The following PFKFB3 variants were observed in gnomAD, a reference collection of about 807,000 sequenced individuals.
PFKFB3 encodes the protein 6-phosphofructo-2-kinase/fructose-2,6-bisphosphatase 3.
Under a neutral mutation model 68.0 loss-of-function variants are expected in PFKFB3, and 33 were observed. The ratio of observed to expected loss-of-function variants is 0.49; its 90% CI spans 0.37 to 0.65. The LOEUF is 0.65. Among genes scored for constraint, PFKFB3 ranks in the 30% least tolerant of loss-of-function variants. The probability of loss-of-function intolerance (pLI) is 0.00; values close to 1 mark genes in which losing one functional copy is unlikely to be tolerated. For synonymous variants in PFKFB3, 315 were observed against 288.2 expected (o/e 1.09, Z -0.94); for missense variants, 586 against 712.2 (o/e 0.82, Z 2.02).
intron 1 of PFKFB3, among the ~76,000 whole-genome samples, chr10:6,163,614 C>G (rs1442172710): frequency 5.9e-5 from 9 of 152,072 alleles, no homozygotes; most frequent in Admixed American, 5.9e-4. Flanking sequence ...CGCCTGCTTC[C>G]TCCCAGGTGC....
chr10:6,181,796 TA>T (rs60557537), intron 1 of PFKFB3, among the ~76,000 whole-genome samples: 6,145 of 114,104 alleles, frequency 0.054, 297 homozygotes, highest in African/African-American at 0.13. Flanking sequence ...AGACTCCGTT[TA>T]AAAAAAAAAA....
the PFKFB3 span, among the ~76,000 whole-genome samples, chr10:6,261,696 TA>T: frequency 1.3e-5 from 2 of 150,740 alleles, no homozygotes; most frequent in African/African-American, 4.9e-5. Context: ...CCATCTCTAT[TA>T]AAAATACAAA....
intron 1 of PFKFB3, among the ~76,000 whole-genome samples, chr10:6,187,737 G>A (rs1380217035): frequency 2.0e-5 from 3 of 152,168 alleles, no homozygotes; most frequent in African/African-American, 4.8e-5. Context: ...TGCACCTTCC[G>A]AAACTGAGGA....
chr10:6,161,673 C>T (rs968261314), intron 1 of PFKFB3, among the ~76,000 whole-genome samples: 3 of 151,626 alleles, frequency 2.0e-5, no homozygotes, highest in Admixed American at 6.6e-5. Flanking sequence ...CACTTTGTCA[C>T]CCAGGCTGGA....
At position 6,195,613 on chromosome 10, in the gene PFKFB3, C is replaced by A. The variant is rs185089939; in HGVS notation, c.17-18010C>A. 9.2e-5 allele frequency among the ~76,000 whole-genome samples: 14 copies of A among 152,304 alleles called. No individual in the cohort carries two copies. In the East Asian group the frequency reaches 2.7e-3, roughly 29 times the overall value. On this transcript the variant is annotated intron_variant, in intron 1 of 14. Coordinates refer to the PFKFB3 transcript ENST00000379789. Reference sequence around the variant, plus strand: ...TACCCAGGGAGACTGAGTCACCAAGCAAACTGGTAAGAGAATGCAGATAAA... The same window carrying A: ...TACCCAGGGAGACTGAGTCACCAAGAAAACTGGTAAGAGAATGCAGATAAA...
intron 13 of PFKFB3, chr10:6,225,022 C>A: frequency 2.3e-6 from 1 of 426,238 alleles, no homozygotes; most frequent in Non-Finnish European, 4.8e-6. Context: ...GACCTCGAGG[C>A]CTGGCCGTGC....
intron 10 of PFKFB3, among the ~76,000 whole-genome samples, chr10:6,222,534 GTC>G (rs1845041756): frequency 6.6e-6 from 1 of 152,116 alleles, no homozygotes; most frequent in African/African-American, 2.4e-5. Flanking sequence ...GCACCGGCCC[GTC>G]TGCTTCCTGC....
intron 1 of PFKFB3, among the ~76,000 whole-genome samples, chr10:6,161,617 C>T (rs1841977277): frequency 1.0e-5 from 1 of 98,624 alleles, no homozygotes; most frequent in African/African-American, 2.9e-5. Flanking sequence ...TATATATACA[C>T]ACACACACAT....
the PFKFB3 span, among the ~76,000 whole-genome samples, chr10:6,270,135 AAAAC>A: frequency 3.3e-5 from 5 of 152,276 alleles, no homozygotes; most frequent in South Asian, 4.2e-4. Context: ...CTCCGTCTCA[AAAAC>A]AAACAAACAA....
intron 1 of PFKFB3, among the ~76,000 whole-genome samples, chr10:6,166,840 T>C (rs1420741396): frequency 1.4e-5 from 2 of 142,558 alleles, no homozygotes; most frequent in Non-Finnish European, 3.0e-5. Context: ...TTTTTTTTTT[T>C]TTATTTGAGA....
the PFKFB3 span, among the ~76,000 whole-genome samples, chr10:6,306,718 G>C: frequency 6.6e-6 from 1 of 152,112 alleles, no homozygotes; most frequent in South Asian, 2.1e-4. Flanking sequence ...CCCATGGAAG[G>C]CCGTGTCCTG....
the PFKFB3 span, among the ~76,000 whole-genome samples, chr10:6,269,973 A>C: frequency 1.1e-4 from 16 of 152,094 alleles, 2 homozygotes; most frequent in Admixed American, 6.5e-4. Flanking sequence ...CTCTACTAAA[A>C]ATACAAAAAT....
chr10:6,157,976 G>T (rs368639717), intron 1 of PFKFB3, among the ~76,000 whole-genome samples: 1 of 151,818 alleles, frequency 6.6e-6, no homozygotes. Context: ...TGAATGACGG[G>T]TAAAGCCTTT....
chr10:6,181,766 C>A (rs1842718040), intron 1 of PFKFB3, among the ~76,000 whole-genome samples: 1 of 148,878 alleles, frequency 6.7e-6, no homozygotes, highest in Non-Finnish European at 1.5e-5. Context: ...CCACTGCACT[C>A]CAGCCTGGGC....
chr10:6,251,335 G>C (rs564304990), intron 14 of PFKFB3, among the ~76,000 whole-genome samples: 3 of 152,156 alleles, frequency 2.0e-5, no homozygotes, highest in African/African-American at 7.2e-5. Context: ...AATGGTGCCC[G>C]TCTCCATTCA....
chr10:6,288,100 T>G, the PFKFB3 span, among the ~76,000 whole-genome samples: 2 of 152,130 alleles, frequency 1.3e-5, no homozygotes, highest in Admixed American at 6.5e-5. Context: ...CACTTTATTC[T>G]TGCTTGCATT....
In PFKFB3 at chr10:6,235,381, A is replaced by G. The variant is rs931356620; in HGVS notation, c.*2439A>G. 5 of 152,376 alleles carry G rather than the reference A, an allele frequency of 3.3e-5. No individual in the cohort carries two copies. The highest frequency in any genetic ancestry group is 3.4e-3 in the Middle Eastern group (1 of 294). The allele number at this position is 152,376 out of a possible 1,614,324, so 9.4% of individuals were successfully genotyped here. A position where few individuals can be genotyped will look rare whatever the true frequency, so the allele number is the denominator to read the frequency against. ...TTGTTAATTGGTTTGGGAGCCTCCT[A>G]TGTGTGACTTATGACTTCTCTGTGT... On this transcript the variant is annotated 3_prime_UTR_variant, in exon 15 of 15. Coordinates refer to ENST00000379775, the MANE Select transcript of PFKFB3 (RefSeq NM_004566.4).
upstream of PFKFB3, chr10:6,202,832 AG>A: frequency 1.0e-6 from 1 of 973,216 alleles, no homozygotes; most frequent in African/African-American, 1.8e-5. Context: ...CCCACGTGGA[AG>A]GGGGCTGGGA....
chr10:6,213,285 C>T (rs1314251261), intron 1 of PFKFB3, among the ~76,000 whole-genome samples: 1 of 152,156 alleles, frequency 6.6e-6, no homozygotes, highest in East Asian at 1.9e-4. Context: ...GTAATCCCAG[C>T]ACTCTGGGAG....
Sources: gnomAD v4.1 joint callset for allele counts (sites outside exome capture counted in the v4.1 genomes callset) on GRCh38, gnomAD v4.1.1 for gene constraint, MANE v1.5 for transcripts, NCBI Gene and HGNC (gene_info 2026-07-23, HGNC 2026-07-21) for gene names.